UQCRC2: variants seen among roughly 807,000 people sequenced by gnomAD.
UQCRC2 encodes cytochrome b-c1 complex subunit 2, mitochondrial.
A neutral mutation model predicts 55.6 loss-of-function variants in UQCRC2; 49 were observed. That is an observed-to-expected ratio of 0.88 (90% CI 0.70 to 1.12). The LOEUF (loss-of-function observed/expected upper bound fraction) is 1.12. UQCRC2 is among the 50% of genes most tolerant of loss of function. The pLI is 0.00. For synonymous variants in UQCRC2, 193 were observed against 192.0 expected (o/e 1.01, Z -0.04); for missense variants, 506 against 547.8 (o/e 0.92, Z 0.76).
At chr16:21,980,818 T>A in intron 13 of UQCRC2, 118 bp downstream of exon 13, 2 of 1,214,944 alleles carry the variant, frequency 1.6e-6, no homozygotes, top group Non-Finnish European at 2.2e-6. Context: ...GGTGCTCATC[T>A]ACTTAATGTG....
chr16:21,969,600 C>T (rs1898409513), intron 8 of UQCRC2, among the ~76,000 whole-genome samples: 1 of 152,130 alleles, frequency 6.6e-6, no homozygotes, highest in East Asian at 1.9e-4. Context: ...CTTACAGAAA[C>T]ATTAGGTCAA....
chr16:21,980,934 T>C (rs1175597268), intron 13 of UQCRC2, among the ~76,000 whole-genome samples: 1 of 152,156 alleles, frequency 6.6e-6, no homozygotes, highest in African/African-American at 2.4e-5. Flanking sequence ...TAAACTGTGA[T>C]GTCAGTAAGA....
intron 2 of UQCRC2, 45 bp from the exon 3 acceptor site, chr16:21,957,370 GGT>G (rs755065663): frequency 6.2e-7 from 1 of 1,613,634 alleles, no homozygotes; most frequent in South Asian, 1.1e-5. Context: ...TACTCTCCTT[GGT>G]AATACGAAGA....
Position 21,957,329 on chromosome 16 carries a change from C to A in UQCRC2, c.117+11C>A. 2 of 1,614,100 alleles carry A rather than the reference C, an allele frequency of 1.2e-6. No homozygotes were observed. Among genetic ancestry groups the A allele is most frequent in the Non-Finnish European group, 1.7e-6 (2 of 1,180,016 alleles). ...CCTCAGGACCTTGAGGTTAGTCCCA[C>A]TAACTTGCTCGCTGGAAGCTATACA... is the stretch of plus-strand genomic sequence containing the variant. On this transcript the variant is annotated intron_variant, in intron 2 of 13. Coordinates refer to ENST00000268379, the MANE Select transcript of UQCRC2 (RefSeq NM_003366.4).
In UQCRC2 at chr16:21,980,586, T is replaced by G. The variant is rs1225077348; in HGVS notation, c.1164T>G (p.Ser388=). The G allele has an allele frequency of 6.2e-7, 1 of 1,614,196 alleles. No individual in the cohort carries two copies. The highest frequency in any genetic ancestry group is 1.1e-5 in the South Asian group (1 of 91,090). ...LKAGYLMSVE[S]SECFLEEVGS... is the part of the protein sequence containing the mutation. ...CTGGATACCTAATGTCAGTGGAGTC[T>G]TCTGAGTGTTTCCTGGAAGAAGTCG... The change falls in exon 13 of 14, where the codon TCT becomes TCG. Residue 388 remains serine (S), a synonymous_variant. Coordinates refer to ENST00000268379, the MANE Select transcript of UQCRC2 (RefSeq NM_003366.4).
chr16:21,977,927 C>T (rs993432949), intron 12 of UQCRC2, among the ~76,000 whole-genome samples: 3 of 152,146 alleles, frequency 2.0e-5, no homozygotes, highest in Non-Finnish European at 2.9e-5. Flanking sequence ...AACCAAGAAT[C>T]GATAGGATGC....
chr16:21,971,826 C>A, intron 9 of UQCRC2, 97 bp from the exon 10 acceptor site: 1 of 1,545,634 alleles, frequency 6.5e-7, no homozygotes, highest in Non-Finnish European at 8.9e-7. Flanking sequence ...GCAGAAAAGA[C>A]TCGTGGGTTA....
At chr16:21,976,771 T>G (rs1364427229) in intron 12 of UQCRC2, 1 of 152,208 alleles carries the variant, frequency 6.6e-6, no homozygotes, top group Non-Finnish European at 1.5e-5. Context: ...CTTATTTAAA[T>G]AGCATCCTTA....
chr16:21,980,709 A>T lies in UQCRC2; in HGVS notation c.1278+9A>T. Reference sequence around the variant, plus strand: ...ATGCTGATATCATAAATGTAAGTAAATGAAAACTTAACGATTTAACAACAG... The same window carrying T: ...ATGCTGATATCATAAATGTAAGTAATTGAAAACTTAACGATTTAACAACAG... On this transcript the variant is annotated intron_variant, in intron 13 of 13. Transcript: ENST00000268379. The T allele has an allele frequency of 6.2e-7, 1 of 1,611,584 alleles. No individual in the cohort carries two copies. Among genetic ancestry groups the T allele is most frequent in the Non-Finnish European group, 8.5e-7 (1 of 1,179,192 alleles).
chr16:21,953,901 A>G (rs1378903956), intron 1 of UQCRC2, among the ~76,000 whole-genome samples: 1 of 152,220 alleles, frequency 6.6e-6, no homozygotes, highest in Non-Finnish European at 1.5e-5. Flanking sequence ...TAATGCAGAT[A>G]GAACACTTAT....
chr16:21,960,429 C>T (rs1425241489), intron 4 of UQCRC2, among the ~76,000 whole-genome samples: 1 of 152,192 alleles, frequency 6.6e-6, no homozygotes, highest in Admixed American at 6.5e-5. Context: ...TAAGCTTTGA[C>T]TTAAGGGAAT....
At chr16:21,957,973 A>G (rs948199335) in intron 3 of UQCRC2, among the ~76,000 whole-genome samples, 5 of 152,202 alleles carry the variant, frequency 3.3e-5, no homozygotes, top group Non-Finnish European at 7.3e-5. Context: ...GATACCAGTT[A>G]CATTAGATTT....
Position 21,956,766 on chromosome 16 carries a change from TAAG to T in UQCRC2, c.34-468_34-466del, listed in dbSNP as rs572805472. The stretch of plus-strand genomic sequence containing the variant: ...AACTGGTGGGTTAGTAAGTCCATAA[TAAG>T]TTATGCAGCTAGGCGGGGTGCAGTG... On this transcript the variant is annotated intron_variant, in intron 1 of 13. Transcript: ENST00000268379. Among the ~76,000 whole-genome samples the T allele has an allele frequency of 3.6e-3, 552 of 152,270 alleles. 2 individuals are homozygous for T. Among genetic ancestry groups the T allele is most frequent in the Middle Eastern group, 6.8e-3 (2 of 294 alleles).
At chr16:21,975,858 A>C (rs1898571435) in intron 11 of UQCRC2, among the ~76,000 whole-genome samples, 1 of 152,194 alleles carries the variant, frequency 6.6e-6, no homozygotes, top group Admixed American at 6.5e-5. Flanking sequence ...TGGGAGGTTA[A>C]GGTGGGAGGA....
At chr16:21,958,149 A>G (rs910336949) in intron 3 of UQCRC2, among the ~76,000 whole-genome samples, 4 of 152,228 alleles carry the variant, frequency 2.6e-5, no homozygotes, top group African/African-American at 9.6e-5. Flanking sequence ...ACCACAAGAT[A>G]TTTGCCACAG....
intron 10 of UQCRC2, 128 bp from the exon 11 acceptor site, chr16:21,973,768 G>C: frequency 1.3e-6 from 1 of 751,672 alleles, no homozygotes; most frequent in Non-Finnish European, 2.2e-6. Flanking sequence ...GACAGAACTG[G>C]CTAAGTAAAA....
chr16:21,965,113 A>G (rs559485897), intron 6 of UQCRC2, among the ~76,000 whole-genome samples: 1 of 152,342 alleles, frequency 6.6e-6, no homozygotes, highest in Non-Finnish European at 1.5e-5. Context: ...CCCAAAACCC[A>G]GGCCAGTATA....
intron 1 of UQCRC2, among the ~76,000 whole-genome samples, chr16:21,954,654 A>G (rs1567466677): frequency 6.6e-6 from 1 of 152,206 alleles, no homozygotes; most frequent in Non-Finnish European, 1.5e-5. Context: ...ATATAGGAGA[A>G]TAAACTTAGA....
chr16:21,978,821 G>C (rs1898647457), intron 12 of UQCRC2, among the ~76,000 whole-genome samples: 1 of 152,090 alleles, frequency 6.6e-6, no homozygotes, highest in African/African-American at 2.4e-5. Flanking sequence ...CCTTAAAATT[G>C]CCCTGTTTCA....
Sources: gnomAD v4.1 joint callset for allele counts (sites outside exome capture counted in the v4.1 genomes callset) on GRCh38, gnomAD v4.1.1 for gene constraint, MANE v1.5 for transcripts, NCBI Gene and HGNC (gene_info 2026-07-23, HGNC 2026-07-21) for gene names.